Variants in IL34 observed in about 807,000 individuals in gnomAD.
IL34 encodes interleukin 34.
IL34 carries 17 observed loss-of-function variants against 25.3 expected under a neutral mutation model. The ratio of observed to expected loss-of-function variants is 0.67; its 90% CI spans 0.46 to 1.01. The LOEUF is 1.01. IL34 is among the 50% of genes least tolerant of loss of function. The pLI is 0.00. For missense variants in IL34, 368 were observed against 312.9 expected (o/e 1.18, Z -1.33); for synonymous variants, 174 against 140.9 (o/e 1.23, Z -1.66).
chr16:70,649,729 AG>A (rs1390178386), intron 1 of IL34, among the ~76,000 whole-genome samples: 2 of 152,226 alleles, frequency 1.3e-5, no homozygotes, highest in Non-Finnish European at 2.9e-5. Context: ...GGAACCAGGA[AG>A]GGAGTACCGT....
At chr16:70,584,979 G>A (rs1205465746) in intron 1 of IL34, among the ~76,000 whole-genome samples, 1 of 152,160 alleles carries the variant, frequency 6.6e-6, no homozygotes, top group East Asian at 1.9e-4. Context: ...GGGATTACAG[G>A]TGTGAGCCAC....
chr16:70,606,594 GA>G lies in IL34; in HGVS notation c.-401+26546del, dbSNP rs1357155718. On this transcript the variant is annotated intron_variant, in intron 1 of 6. Transcript: ENST00000429149. ...ATTTTAGATTCGTTTGGATTTTCTAGATTTTTTTTTTGAGACAAGATCTCGT... is the reference window on the plus strand; with the variant it reads ...ATTTTAGATTCGTTTGGATTTTCTAGTTTTTTTTTTGAGACAAGATCTCGT... 2.6e-5 allele frequency among the ~76,000 whole-genome samples: 4 copies of G among 151,842 alleles called. No homozygotes were observed. The East Asian group carries it at 7.7e-4, about 29-fold the overall frequency.
rs772842086 is a variant in IL34 at position 70,660,200 on chromosome 16, G to A, written c.*13G>A. 3 of 1,554,144 alleles carry A rather than the reference G, an allele frequency of 1.9e-6. No homozygotes were observed. The highest frequency in any genetic ancestry group is 1.2e-5 in the South Asian group (1 of 81,582). On this transcript the variant is annotated 3_prime_UTR_variant, in exon 6 of 6. Coordinates refer to ENST00000288098, the MANE Select transcript of IL34 (RefSeq NM_001393494.1). ...CCTCTTGCCCTGAGCACCCTGGATG[G>A]TGACTGCGGATAGGGGCAGCCAGAC...
chr16:70,619,378 T>C (rs898240368), intron 1 of IL34, among the ~76,000 whole-genome samples: 1 of 151,958 alleles, frequency 6.6e-6, no homozygotes, highest in Admixed American at 6.6e-5. Context: ...CAATGAGATA[T>C]AGCTGTAGTC....
At chr16:70,618,625 T>C (rs929821888) in intron 1 of IL34, among the ~76,000 whole-genome samples, 8 of 152,042 alleles carry the variant, frequency 5.3e-5, no homozygotes, top group African/African-American at 1.2e-4. Context: ...GACAGAAAGG[T>C]TACAGGGTGT....
chr16:70,647,045 C>G (rs761094359), intron 1 of IL34, 70 bp downstream of exon 1: 12 of 1,300,870 alleles, frequency 9.2e-6, no homozygotes, highest in Non-Finnish European at 1.1e-5. Flanking sequence ...CTGCCGTAAC[C>G]ATAGCAACCA....
intron 1 of IL34, among the ~76,000 whole-genome samples, chr16:70,638,526 C>T (rs1325705605): frequency 1.3e-5 from 2 of 152,126 alleles, no homozygotes; most frequent in Non-Finnish European, 2.9e-5. Flanking sequence ...CCCCCCCACT[C>T]TCTCTCTGGT....
At chr16:70,639,661 C>G (rs2051735828) in intron 1 of IL34, among the ~76,000 whole-genome samples, 1 of 152,098 alleles carries the variant, frequency 6.6e-6, no homozygotes, top group Non-Finnish European at 1.5e-5. Flanking sequence ...TGCAGAAAGA[C>G]AAGACAGAGG....
intron 1 of IL34, among the ~76,000 whole-genome samples, chr16:70,601,156 A>G (rs1358509060): frequency 6.6e-6 from 1 of 152,064 alleles, no homozygotes; most frequent in Admixed American, 6.6e-5. Context: ...AGGGTGCCCT[A>G]CTGGGCCCAG....
chr16:70,653,763 G>C (rs1365918469), intron 1 of IL34, among the ~76,000 whole-genome samples: 1 of 152,196 alleles, frequency 6.6e-6, no homozygotes. Flanking sequence ...ATTTTGGGTA[G>C]TTGCTGGCCT....
upstream of IL34, among the ~76,000 whole-genome samples, chr16:70,644,787 A>T (rs1436804221): frequency 8.1e-6 from 1 of 123,476 alleles, no homozygotes; most frequent in Non-Finnish European, 1.7e-5. Context: ...GAGGGAGGAA[A>T]AGGAGGAGGG....
At chr16:70,631,866 A>G (rs2051525687) in intron 1 of IL34, among the ~76,000 whole-genome samples, 1 of 152,006 alleles carries the variant, frequency 6.6e-6, no homozygotes, top group Admixed American at 6.6e-5. Flanking sequence ...AGAGAAGATA[A>G]TAATATTGAT....
rs543869409 is a variant in IL34 at position 70,656,690 on chromosome 16, C to T, written c.240+11C>T. On this transcript the variant is annotated intron_variant, in intron 3 of 5. Coordinates refer to ENST00000288098, the MANE Select transcript of IL34 (RefSeq NM_001393494.1). ...AACGTCACCAGGCTGGTGAGAATCC[C>T]TTCCTGGGCTGGGGGGACCCTGCCT... is the stretch of plus-strand genomic sequence containing the variant. 3 of 1,251,254 alleles carry T rather than the reference C, an allele frequency of 2.4e-6. No individual in the cohort carries two copies. The South Asian group carries it at 3.6e-5, about 15-fold the overall frequency. 77.5% of individuals were successfully genotyped at this position (1,251,254 alleles called of 1,614,324 possible).
intron 1 of IL34, among the ~76,000 whole-genome samples, chr16:70,621,702 AAAAG>A (rs1472568678): frequency 6.6e-6 from 1 of 152,110 alleles, no homozygotes; most frequent in East Asian, 1.9e-4. Context: ...GCTGAGTCCG[AAAAG>A]AGAGTCAGTG....
intron 1 of IL34, among the ~76,000 whole-genome samples, chr16:70,596,439 G>A (rs927421956): frequency 6.6e-6 from 1 of 152,200 alleles, no homozygotes; most frequent in African/African-American, 2.4e-5. Flanking sequence ...ATGGAGCCAG[G>A]GAGCGTGAGT....
chr16:70,581,284 C>T (rs553813260), intron 1 of IL34, among the ~76,000 whole-genome samples: 2 of 152,160 alleles, frequency 1.3e-5, no homozygotes, highest in Admixed American at 1.3e-4. Flanking sequence ...GTGGTATTCA[C>T]CAAGTTAACA....
rs1026881865 is a variant in IL34, at chr16:70,582,785, T to C, written c.-401+2736T>C. ...GGGAGAGACATGCACAAGATGCCTCTCTGCTGTTGACACAGGCACACTGCC... is the reference window on the plus strand; with the variant it reads ...GGGAGAGACATGCACAAGATGCCTCCCTGCTGTTGACACAGGCACACTGCC... On this transcript the variant is annotated intron_variant, in intron 1 of 6. Coordinates refer to the IL34 transcript ENST00000429149. Among the ~76,000 whole-genome samples the C allele has an allele frequency of 3.3e-5, 5 of 152,312 alleles. 1 individual carries two copies. The highest frequency in any genetic ancestry group is 6.5e-5 in the Admixed American group (1 of 15,292).
At chr16:70,656,463 G>C in intron 2 of IL34, 139 bp from the exon 3 acceptor site, 2 of 679,108 alleles carry the variant, frequency 2.9e-6, no homozygotes, top group Middle Eastern at 5.2e-4. Flanking sequence ...AGGCTTCCGT[G>C]AGCCATGATG....
At chr16:70,606,350 A>G (rs150741245) in intron 1 of IL34, among the ~76,000 whole-genome samples, 16,964 of 152,086 alleles carry the variant, frequency 0.11, 1,309 homozygotes, top group African/African-American at 0.22. Flanking sequence ...GTGAGCTGAG[A>G]TCGCACCACT....
Sources: allele counts gnomAD v4.1 joint callset (sites outside exome capture counted in the v4.1 genomes callset), GRCh38; gene constraint gnomAD v4.1.1; transcripts MANE v1.5; gene names NCBI Gene and HGNC (gene_info 2026-07-23, HGNC 2026-07-21).